CEACAM21: variants seen among roughly 807,000 people sequenced by gnomAD.
CEACAM21 encodes the protein cell adhesion molecule CEACAM21.
Under a neutral mutation model 33.2 loss-of-function variants are expected in CEACAM21, and 38 were observed. The observed-to-expected ratio is 1.14, with a 90% CI of 0.88 to 1.50. The LOEUF (loss-of-function observed/expected upper bound fraction) is 1.50, where lower values mean the gene tolerates loss of function less well. Among genes scored for constraint, CEACAM21 ranks in the 40% most tolerant of loss-of-function variants. The pLI, the probability that CEACAM21 is intolerant of heterozygous loss-of-function variation, is 0.00. For missense variants in CEACAM21, 385 were observed against 364.6 expected (o/e 1.06, Z -0.46); for synonymous variants, 156 against 143.0 (o/e 1.09, Z -0.65).
chr19:41,578,334 T>C (rs1182357803), intron 2 of CEACAM21, among the ~76,000 whole-genome samples: 2 of 147,662 alleles, frequency 1.4e-5, no homozygotes, highest in Non-Finnish European at 3.0e-5. Flanking sequence ...AAAATAATAA[T>C]AGATGATGTT....
At chr19:41,575,837 G>A (rs1361102094), upstream of CEACAM21, among the ~76,000 whole-genome samples, 1 of 152,222 alleles carries the variant, frequency 6.6e-6, no homozygotes, top group Non-Finnish European at 1.5e-5. Flanking sequence ...GCATCATTCT[G>A]CCTTCCTGGA....
intron 1 of CEACAM21, among the ~76,000 whole-genome samples, chr19:41,556,624 A>C (rs1367127546): frequency 6.6e-6 from 1 of 152,230 alleles, no homozygotes; most frequent in African/African-American, 2.4e-5. Flanking sequence ...ACCAATACTA[A>C]ATAGGTAAAA....
chr19:41,585,580 C>T lies in CEACAM21; in HGVS notation c.850+85C>T. ...ACTCCTGCCAGTTACACCCAGGGGC[C>T]TCTGACCCTATCCCTGGGGCTGCAA... On this transcript the variant is annotated intron_variant, in intron 5 of 6. Coordinates refer to ENST00000401445, the MANE Select transcript of CEACAM21 (RefSeq NM_001098506.4). 2.8e-6 allele frequency: 4 copies of T among 1,415,692 alleles called. No homozygotes were observed. The South Asian group carries it at 4.6e-5, about 16-fold the overall frequency. 87.7% of individuals were successfully genotyped at this position (1,415,692 alleles called of 1,614,324 possible).
In CEACAM21 at chr19:41,577,364, C is replaced by A. The variant is rs1555791592; in HGVS notation, c.229C>A (p.Gln77Lys). ...CAAAGGGAAAACGGTGGAGCCCAACCAGCTAATCGCAGCATATGTAATAGA... is the reference window on the plus strand; with the variant it reads ...CAAAGGGAAAACGGTGGAGCCCAACAAGCTAATCGCAGCATATGTAATAGA... ...WYKGKTVEPN[Q>K]LIAAYVIDTH... Residue 77 changes from glutamine to lysine, a missense_variant, in exon 2 of 7, where the codon CAG (glutamine) becomes AAG (lysine). Physicochemically the swap from Gln to Lys is moderately conservative, Grantham distance 53 (BLOSUM62 1). Coordinates refer to ENST00000401445, the MANE Select transcript of CEACAM21 (RefSeq NM_001098506.4). The A allele has an allele frequency of 1.2e-6, 2 of 1,613,514 alleles. No individual in the cohort carries two copies. Among genetic ancestry groups the A allele is most frequent in the Non-Finnish European group, 1.7e-6 (2 of 1,179,996 alleles).
At chr19:41,568,394 T>C (rs2042399616) in intron 2 of CEACAM21, among the ~76,000 whole-genome samples, 1 of 152,210 alleles carries the variant, frequency 6.6e-6, no homozygotes, top group Non-Finnish European at 1.5e-5. Context: ...TATATTTTCT[T>C]CTAGTAGTTT....
intron 1 of CEACAM21, among the ~76,000 whole-genome samples, chr19:41,556,242 C>T (rs1231099714): frequency 6.6e-6 from 1 of 152,194 alleles, no homozygotes; most frequent in Non-Finnish European, 1.5e-5. Flanking sequence ...AAGAAGTGAG[C>T]AGAGGAACCA....
At chr19:41,566,066 A>G (rs540458294) in intron 2 of CEACAM21, among the ~76,000 whole-genome samples, 1 of 152,284 alleles carries the variant, frequency 6.6e-6, no homozygotes, top group African/African-American at 2.4e-5. Flanking sequence ...AATTGTAAAC[A>G]GAAAAGCAAA....
intron 2 of CEACAM21, among the ~76,000 whole-genome samples, chr19:41,571,062 G>A (rs2042580507): frequency 6.6e-6 from 1 of 152,030 alleles, no homozygotes; most frequent in Admixed American, 6.6e-5. Context: ...TGAACTGCAG[G>A]GTGTTCAGCA....
intron 1 of CEACAM21, among the ~76,000 whole-genome samples, chr19:41,576,613 A>C (rs913895087): frequency 5.9e-5 from 9 of 152,236 alleles, no homozygotes; most frequent in African/African-American, 2.2e-4. Context: ...TTAAATAAAA[A>C]CACCACCAGG....
chr19:41,581,218 G>A (rs531610149), intron 3 of CEACAM21, among the ~76,000 whole-genome samples: 16 of 152,346 alleles, frequency 1.1e-4, no homozygotes, highest in East Asian at 3.9e-4. Context: ...GCTTAAAGGC[G>A]TTCTTAAGCC....
chr19:41,554,352 T>C (rs1555785067), intron 1 of CEACAM21, among the ~76,000 whole-genome samples: 1 of 152,032 alleles, frequency 6.6e-6, no homozygotes, highest in Admixed American at 6.5e-5. Context: ...CTGAACGTTT[T>C]AGGGTAGTCA....
At chr19:41,556,438 A>G (rs1307145096) in intron 1 of CEACAM21, among the ~76,000 whole-genome samples, 1 of 152,260 alleles carries the variant, frequency 6.6e-6, no homozygotes, top group Non-Finnish European at 1.5e-5. Flanking sequence ...GAGAAAATCC[A>G]GAAAGACTGT....
At chr19:41,579,268 A>G in intron 2 of CEACAM21, 85 bp from the exon 3 acceptor site, 1 of 1,609,750 alleles carries the variant, frequency 6.2e-7, no homozygotes, top group Non-Finnish European at 8.5e-7. Flanking sequence ...CTTTATTCAC[A>G]GGAGAATGTT....
chr19:41,553,904 T>C (rs1473411172), intron 1 of CEACAM21, among the ~76,000 whole-genome samples: 1 of 151,634 alleles, frequency 6.6e-6, no homozygotes, highest in Non-Finnish European at 1.5e-5. Context: ...TGCAAATAAC[T>C]ATATTGCCAT....
intron 2 of CEACAM21, among the ~76,000 whole-genome samples, chr19:41,566,706 C>A (rs1445548403): frequency 6.6e-6 from 1 of 152,114 alleles, no homozygotes; most frequent in Non-Finnish European, 1.5e-5. Context: ...AAGTTTTAAA[C>A]CTTCTGAGAA....
At chr19:41,580,930 G>GC (rs1303959592) in intron 3 of CEACAM21, among the ~76,000 whole-genome samples, 3 of 152,304 alleles carry the variant, frequency 2.0e-5, no homozygotes, top group African/African-American at 7.2e-5. Context: ...TTCTGAAGTT[G>GC]CCTAGGGGCT....
chr19:41,571,639 A>T (rs9304595), upstream of CEACAM21, among the ~76,000 whole-genome samples: 33,460 of 152,184 alleles, frequency 0.22, 4,055 homozygotes, highest in African/African-American at 0.33. Flanking sequence ...TTTATGTTCA[A>T]ATTTGTAGAC....
intron 2 of CEACAM21, among the ~76,000 whole-genome samples, chr19:41,567,983 A>C (rs1028893924): frequency 1.3e-5 from 2 of 151,590 alleles, no homozygotes. Context: ...TTAGTGCTTC[A>C]TGATTCACCC....
In CEACAM21 at chr19:41,576,264, C is replaced by A. The variant is rs62119452; in HGVS notation, c.-11C>A. Reference sequence around the variant, plus strand: ...TCTCCACAGAGGAGGACAGAGCAGGCAGCAGAGACCATGGGGCCCCCCTCA... The same window carrying A: ...TCTCCACAGAGGAGGACAGAGCAGGAAGCAGAGACCATGGGGCCCCCCTCA... On this transcript the variant is annotated 5_prime_UTR_variant, in exon 1 of 7. Transcript: ENST00000401445. 8,897 of 1,613,642 alleles carry A rather than the reference C, an allele frequency of 5.5e-3. 50 individuals are homozygous for A. Among genetic ancestry groups the A allele is most frequent in the African/African-American group, 0.026 (1,935 of 74,998 alleles).
Sources: allele counts gnomAD v4.1 joint callset (sites outside exome capture counted in the v4.1 genomes callset), GRCh38; gene constraint gnomAD v4.1.1; transcripts MANE v1.5; gene names NCBI Gene and HGNC (gene_info 2026-07-23, HGNC 2026-07-21).